Variants in CELF4 observed in about 807,000 individuals in gnomAD.
The protein encoded by CELF4 is CUGBP Elav-like family member 4.
A neutral mutation model predicts 59.9 loss-of-function variants in CELF4; 18 were observed. That is an observed-to-expected ratio of 0.30 (90% CI 0.21 to 0.45). CELF4 has a LOEUF of 0.45. Among genes scored for constraint, CELF4 ranks in the 20% least tolerant of loss-of-function variants. The pLI, the probability that CELF4 is intolerant of heterozygous loss-of-function variation, is 1.00. For synonymous variants in CELF4, 261 were observed against 267.1 expected (o/e 0.98, Z 0.22); for missense variants, 456 against 689.0 (o/e 0.66, Z 3.79).
rs73431270 is a variant in CELF4, at chr18:37,447,993, C to T, written c.369+37532G>A. ...TTCCATCCTGCTGACACAAATGAGACGTATCTCTCCTCAGAGCCACATTGG... is the reference window on the plus strand; with the variant it reads ...TTCCATCCTGCTGACACAAATGAGATGTATCTCTCCTCAGAGCCACATTGG... On this transcript the variant is annotated intron_variant, in intron 2 of 12. Coordinates refer to ENST00000420428, the MANE Select transcript of CELF4 (RefSeq NM_020180.4). 2.9e-3 allele frequency among the ~76,000 whole-genome samples: 442 copies of T among 152,308 alleles called. 1 individual carries two copies. Among genetic ancestry groups the T allele is most frequent in the African/African-American group, 0.01 (424 of 41,574 alleles).
intron 12 of CELF4, among the ~76,000 whole-genome samples, chr18:37,248,535 C>T (rs1447519760): frequency 6.6e-6 from 1 of 152,182 alleles, no homozygotes; most frequent in Non-Finnish European, 1.5e-5. Context: ...TCTTGCTCTG[C>T]TGACTTCCCC....
chr18:37,407,725 G>A (rs1019732861), intron 2 of CELF4, among the ~76,000 whole-genome samples: 10 of 152,056 alleles, frequency 6.6e-5, no homozygotes, highest in African/African-American at 2.4e-4. Context: ...TATACGAAGT[G>A]AAATGGCAGG....
At chr18:37,467,400 G>A (rs978760258) in intron 2 of CELF4, among the ~76,000 whole-genome samples, 2 of 152,130 alleles carry the variant, frequency 1.3e-5, no homozygotes, top group Non-Finnish European at 2.9e-5. Flanking sequence ...ATGGGCTGGG[G>A]CAACTCCACA....
At chr18:37,423,774 C>T (rs564248419) in intron 2 of CELF4, among the ~76,000 whole-genome samples, 7 of 152,262 alleles carry the variant, frequency 4.6e-5, no homozygotes, top group Admixed American at 2.6e-4. Flanking sequence ...CCACTTGAAA[C>T]CTTCAGGAGA....
chr18:37,295,013 T>C (rs1441291068), intron 3 of CELF4, among the ~76,000 whole-genome samples: 3 of 152,176 alleles, frequency 2.0e-5, no homozygotes, highest in Admixed American at 6.5e-5. Flanking sequence ...AGACATGCAA[T>C]GTGTTGTTTG....
At chr18:37,256,122 C>T (rs568017231) in intron 11 of CELF4, among the ~76,000 whole-genome samples, 207 of 152,328 alleles carry the variant, frequency 1.4e-3, no homozygotes, top group Non-Finnish European at 2.6e-3. Flanking sequence ...TTCATGGTTC[C>T]AGGACCGTCT....
At chr18:37,338,686 C>T (rs373920507) in intron 2 of CELF4, among the ~76,000 whole-genome samples, 2 of 151,830 alleles carry the variant, frequency 1.3e-5, no homozygotes, top group South Asian at 4.2e-4. Context: ...CTACCGGTGA[C>T]CTGAACTCAA....
intron 1 of CELF4, among the ~76,000 whole-genome samples, chr18:37,497,701 A>T (rs2099926825): frequency 1.3e-5 from 2 of 152,056 alleles, no homozygotes; most frequent in Non-Finnish European, 2.9e-5. Context: ...CATGCTTGGA[A>T]GGCCAGGTGA....
rs534025691 is a variant in CELF4, at chr18:37,452,025, C to T, written c.369+33500G>A. 7.7e-4 allele frequency among the ~76,000 whole-genome samples: 117 copies of T among 152,296 alleles called. 2 individuals are homozygous for T. The highest frequency in any genetic ancestry group is 1.1e-3 in the Non-Finnish European group (74 of 68,018). Reference sequence around the variant, plus strand: ...ACCTGGGCAAGGCTCCCTGCCTCCACGGGCCCCTTCTCTGGGCTGGCATGT... The same window carrying T: ...ACCTGGGCAAGGCTCCCTGCCTCCATGGGCCCCTTCTCTGGGCTGGCATGT... On this transcript the variant is annotated intron_variant, in intron 2 of 12. Coordinates refer to ENST00000420428, the MANE Select transcript of CELF4 (RefSeq NM_020180.4).
intron 3 of CELF4, among the ~76,000 whole-genome samples, chr18:37,290,713 C>T (rs1363291727): frequency 2.0e-5 from 3 of 152,084 alleles, no homozygotes; most frequent in Admixed American, 2.0e-4. Context: ...CAGTTTCTGC[C>T]CTCCTCTGGG....
intron 2 of CELF4, among the ~76,000 whole-genome samples, chr18:37,478,352 T>C (rs538726211): frequency 2.6e-5 from 4 of 152,266 alleles, no homozygotes; most frequent in Admixed American, 2.6e-4. Flanking sequence ...TGCCCTCTTG[T>C]TTGTTTATTT....
intron 1 of CELF4, among the ~76,000 whole-genome samples, chr18:37,508,532 C>A (rs915528212): frequency 1.3e-5 from 2 of 152,208 alleles, no homozygotes; most frequent in East Asian, 3.9e-4. Flanking sequence ...AGGCACCCCC[C>A]TCACCTCCTG....
At chr18:37,470,221 G>A (rs976809305) in intron 2 of CELF4, among the ~76,000 whole-genome samples, 2 of 152,032 alleles carry the variant, frequency 1.3e-5, no homozygotes, top group Admixed American at 6.6e-5. Flanking sequence ...CAGTGTAGAC[G>A]AAGTTCTATG....
intron 2 of CELF4, among the ~76,000 whole-genome samples, chr18:37,443,472 A>G (rs1028188899): frequency 6.6e-6 from 1 of 152,040 alleles, no homozygotes; most frequent in Non-Finnish European, 1.5e-5. Flanking sequence ...GGTTTGAGAG[A>G]GCTCCCCACC....
chr18:37,264,339 A>T (rs2076361424), intron 10 of CELF4, among the ~76,000 whole-genome samples: 1 of 152,236 alleles, frequency 6.6e-6, no homozygotes, highest in African/African-American at 2.4e-5. Flanking sequence ...AGGTTTTGAT[A>T]TGTGAGCTCT....
chr18:37,388,330 T>G (rs2099121251), intron 2 of CELF4, among the ~76,000 whole-genome samples: 2 of 152,132 alleles, frequency 1.3e-5, no homozygotes, highest in African/African-American at 4.8e-5. Flanking sequence ...GGCCTCTGAC[T>G]GCACTCTGAC....
At chr18:37,276,977 G>A (rs1602023465) in intron 3 of CELF4, among the ~76,000 whole-genome samples, 1 of 152,178 alleles carries the variant, frequency 6.6e-6, no homozygotes, top group Non-Finnish European at 1.5e-5. Flanking sequence ...CAAGGTGGTT[G>A]GTACCTTCTT....
chr18:37,382,212 C>T (rs1356089967), intron 2 of CELF4, among the ~76,000 whole-genome samples: 3 of 152,198 alleles, frequency 2.0e-5, no homozygotes, highest in Admixed American at 6.5e-5. Context: ...TCCCATTTTA[C>T]AGATGGAAAA....
chr18:37,549,791 C>A (rs1413423560), intron 1 of CELF4, among the ~76,000 whole-genome samples: 1 of 151,890 alleles, frequency 6.6e-6, no homozygotes, highest in Non-Finnish European at 1.5e-5. Flanking sequence ...TTTAAATGAC[C>A]AAAACACTTT....
Sources: allele counts gnomAD v4.1 joint callset (sites outside exome capture counted in the v4.1 genomes callset), GRCh38; gene constraint gnomAD v4.1.1; transcripts MANE v1.5; gene names NCBI Gene and HGNC (gene_info 2026-07-23, HGNC 2026-07-21).